Variants in CCSER2 observed in about 807,000 individuals in gnomAD.
CCSER2 encodes serine-rich coiled-coil domain-containing protein 2.
Under a neutral mutation model 92.3 loss-of-function variants are expected in CCSER2, and 46 were observed. The ratio of observed to expected loss-of-function variants is 0.50; its 90% confidence interval spans 0.39 to 0.64. The LOEUF (loss-of-function observed/expected upper bound fraction) is 0.64, where lower values mean the gene tolerates loss of function less well. CCSER2 is among the 30% of genes least tolerant of loss of function. The pLI is 0.00. For synonymous variants in CCSER2, 433 were observed against 431.4 expected (o/e 1.00, Z -0.04); for missense variants, 1,244 against 1,238.9 (o/e 1.00, Z -0.06).
At chr10:84,450,309 A>C (rs537269636) in intron 6 of CCSER2, among the ~76,000 whole-genome samples, 2 of 152,350 alleles carry the variant, frequency 1.3e-5, no homozygotes, top group East Asian at 3.9e-4. Flanking sequence ...GAAGTAAAAC[A>C]GTATAAAACT....
chr10:84,470,037 T>TA lies in CCSER2; in HGVS notation c.2149-334dup, dbSNP rs1554858034. On this transcript the variant is annotated intron_variant, in intron 7 of 9. Coordinates refer to ENST00000372088, the MANE Select transcript of CCSER2 (RefSeq NM_001284240.2). ...GATTTTTTTTTTTTTTTTTTTTTTT[T>TA]ACTCTGTGGCCTATGTCCCAGTTTT... Among the ~76,000 whole-genome samples, 142 of 143,398 alleles carry TA rather than the reference T, an allele frequency of 9.9e-4. 2 individuals are homozygous for TA. In the East Asian group the frequency reaches 0.026, roughly 26 times the overall value. The allele number at this position is 143,398 out of a possible 152,430, so 94.1% of individuals were successfully genotyped here.
chr10:84,467,710 CTTG>C (rs991557092), intron 7 of CCSER2, among the ~76,000 whole-genome samples: 11 of 152,114 alleles, frequency 7.2e-5, no homozygotes, highest in Admixed American at 5.2e-4. Flanking sequence ...TTTGGACATA[CTTG>C]TTGTTCTTCT....
chr10:84,420,782 A>C (rs1843103738), intron 4 of CCSER2, among the ~76,000 whole-genome samples: 1 of 151,956 alleles, frequency 6.6e-6, no homozygotes, highest in Non-Finnish European at 1.5e-5. Flanking sequence ...AAACACAAAA[A>C]ATTAGCCGGG....
At chr10:84,358,689 C>CATATATGTATATATATAT (rs1211141482) in intron 1 of CCSER2, among the ~76,000 whole-genome samples, 1 of 148,756 alleles carries the variant, frequency 6.7e-6, no homozygotes, top group African/African-American at 2.5e-5. Flanking sequence ...TATATATACA[C>CATATATGTATATATATAT]ACACACACGT....
At chr10:84,403,899 G>A in intron 3 of CCSER2, among the ~76,000 whole-genome samples, 1 of 152,284 alleles carries the variant, frequency 6.6e-6, no homozygotes, top group African/African-American at 2.4e-5. Context: ...GCCTCTTTGT[G>A]CTCTAGAAGA....
At chr10:84,485,892 C>T (rs1159292693) in intron 9 of CCSER2, among the ~76,000 whole-genome samples, 1 of 152,198 alleles carries the variant, frequency 6.6e-6, no homozygotes, top group Non-Finnish European at 1.5e-5. Context: ...CTCCCTACCA[C>T]CTCCCCCAAC....
chr10:84,509,147 G>A (rs958672653), intron 9 of CCSER2, among the ~76,000 whole-genome samples: 1 of 152,078 alleles, frequency 6.6e-6, no homozygotes, highest in African/African-American at 2.4e-5. Flanking sequence ...TATTTGGAGG[G>A]AACAATTGTT....
At chr10:84,365,241 T>C (rs923047508) in intron 1 of CCSER2, among the ~76,000 whole-genome samples, 2 of 152,226 alleles carry the variant, frequency 1.3e-5, no homozygotes, top group African/African-American at 2.4e-5. Flanking sequence ...AGGCAACATA[T>C]ATTTTTTCAA....
chr10:84,400,500 G>A (rs2133310482), intron 3 of CCSER2, among the ~76,000 whole-genome samples: 1 of 152,088 alleles, frequency 6.6e-6, no homozygotes, highest in African/African-American at 2.4e-5. Flanking sequence ...GAGTTTTATG[G>A]TTTTAGTTCT....
chr10:84,435,550 G>A (rs192967242), intron 5 of CCSER2, among the ~76,000 whole-genome samples: 14 of 147,320 alleles, frequency 9.5e-5, no homozygotes, highest in Non-Finnish European at 1.5e-4. Context: ...TTTGTCATGT[G>A]ACAGCTACAG....
Position 84,501,834 on chromosome 10 carries a change from A to AAATAT in CCSER2, c.2326-11614_2326-11613insATATA, listed in dbSNP as rs1167460274. On this transcript the variant is annotated intron_variant, in intron 9 of 9. Coordinates refer to ENST00000372088, the MANE Select transcript of CCSER2 (RefSeq NM_001284240.2). ...TTAGTCATCTAGGGAAAAAAAAAAA[A>AAATAT]ATATATATATATATATATATATATA... is the stretch of plus-strand genomic sequence containing the variant. Among the ~76,000 whole-genome samples, 82 of 40,168 alleles carry AAATAT rather than the reference A, an allele frequency of 2.0e-3. 1 individual carries two copies. Among genetic ancestry groups the AAATAT allele is most frequent in the African/African-American group, 3.7e-3 (80 of 21,380 alleles). The allele number at this position is 40,168 out of a possible 152,430, so 26.4% of individuals were successfully genotyped here.
In CCSER2 at chr10:84,438,504, C is replaced by T. The variant is rs1189467304; in HGVS notation, c.1869-8C>T. Reference sequence around the variant, plus strand: ...CTTTTCCCTCCACCTTCTTCCCTGCCCTTCCAGAGGCTCTCCCTATAGAGA... The same window carrying T: ...CTTTTCCCTCCACCTTCTTCCCTGCTCTTCCAGAGGCTCTCCCTATAGAGA... On this transcript the variant is annotated splice_polypyrimidine_tract_variant and splice_region_variant and intron_variant, in intron 5 of 9. Transcript: ENST00000372088. The T allele has an allele frequency of 1.7e-5, 26 of 1,531,974 alleles. No individual in the cohort carries two copies. Among genetic ancestry groups the T allele is most frequent in the Non-Finnish European group, 2.2e-5 (25 of 1,129,610 alleles). 94.9% of individuals were successfully genotyped at this position (1,531,974 alleles called of 1,614,324 possible).
rs1360957348 is a variant in CCSER2 at position 84,414,335 on chromosome 10, CA to C, written c.1615-3435del. On this transcript the variant is annotated intron_variant, in intron 3 of 9. Transcript: ENST00000372088. The stretch of plus-strand genomic sequence containing the variant: ...GCTTCCGTCAGGAGCTCTTGCAAAG[CA>C]GACTTGGTGATGATGTATTCCATCG... Among the ~76,000 whole-genome samples, 3 of 152,168 alleles carry C rather than the reference CA, an allele frequency of 2.0e-5. No individual in the cohort carries two copies. In the East Asian group the frequency reaches 5.8e-4, roughly 29 times the overall value.
At chr10:84,337,997 G>C (rs1843934592) in intron 1 of CCSER2, among the ~76,000 whole-genome samples, 1 of 152,064 alleles carries the variant, frequency 6.6e-6, no homozygotes, top group Middle Eastern at 3.2e-3. Context: ...CAAAAGGAGA[G>C]GGGGCTGGGC....
chr10:84,457,265 T>TAATATATTATATATAAA (rs1281877317), intron 6 of CCSER2, among the ~76,000 whole-genome samples: 2 of 29,558 alleles, frequency 6.8e-5, no homozygotes, highest in Non-Finnish European at 1.1e-4. Context: ...ATAAAATATA[T>TAATATATTATATATAAA]TATATATAAT....
At chr10:84,414,315 C>T (rs1336748840) in intron 3 of CCSER2, among the ~76,000 whole-genome samples, 3 of 152,068 alleles carry the variant, frequency 2.0e-5, no homozygotes, top group East Asian at 1.9e-4. Flanking sequence ...TTAGTGCTTC[C>T]GTCAGGAGCT....
At chr10:84,397,777 G>A (rs1841920371) in intron 3 of CCSER2, among the ~76,000 whole-genome samples, 1 of 152,194 alleles carries the variant, frequency 6.6e-6, no homozygotes, top group Admixed American at 6.5e-5. Context: ...AGTCCCACCA[G>A]TCACACCTGA....
intron 6 of CCSER2, chr10:84,455,864 A>G: frequency 1.4e-6 from 1 of 734,084 alleles, no homozygotes. Context: ...AACGGGAGCA[A>G]CCACAGCATC....
rs370980697 is a variant in CCSER2, at chr10:84,512,467, G to A, written c.2326-982G>A. Among the ~76,000 whole-genome samples, 18 of 146,160 alleles carry A rather than the reference G, an allele frequency of 1.2e-4. No homozygotes were observed. In the South Asian group the frequency reaches 1.7e-3, roughly 14 times the overall value. On this transcript the variant is annotated intron_variant, in intron 9 of 9. Transcript: ENST00000372088. ...ATACCCCTGTATCAGGACAGGCCCAGTTGGCCCTGCCCATATATTTTAACT... is the reference window on the plus strand; with the variant it reads ...ATACCCCTGTATCAGGACAGGCCCAATTGGCCCTGCCCATATATTTTAACT...
Sources: allele counts gnomAD v4.1 joint callset (sites outside exome capture counted in the v4.1 genomes callset), GRCh38; gene constraint gnomAD v4.1.1; transcripts MANE v1.5; gene names NCBI Gene and HGNC (gene_info 2026-07-23, HGNC 2026-07-21).